The following RSL1D1 variants were observed in gnomAD, a reference collection of about 807,000 sequenced individuals.
RSL1D1 encodes the protein ribosomal L1 domain containing 1.
Under a neutral mutation model 44.6 loss-of-function variants are expected in RSL1D1, and 34 were observed. The observed-to-expected ratio is 0.76, with a 90% CI of 0.58 to 1.02. RSL1D1 has a LOEUF of 1.02. RSL1D1 is among the 50% of genes least tolerant of loss of function. The pLI is 0.00. For missense variants in RSL1D1, 767 were observed against 568.1 expected (o/e 1.35, Z -3.56); for synonymous variants, 271 against 207.4 (o/e 1.31, Z -2.63).
rs148393242 is a variant in RSL1D1 at position 11,839,799 on chromosome 16, G to T, written c.1042C>A (p.Arg348Ser). The T allele has an allele frequency of 1.2e-6, 2 of 1,614,064 alleles. No homozygotes were observed. Among genetic ancestry groups the T allele is most frequent in the South Asian group, 1.1e-5 (1 of 91,074 alleles). Reference sequence around the variant, plus strand: ...TTAACTTGGGCTTTTCCTCTGCCACGTTTTTTCTTCCCATGCTCTGGGGTC... The same window carrying T: ...TTAACTTGGGCTTTTCCTCTGCCACTTTTTTTCTTCCCATGCTCTGGGGTC... Reference protein sequence around the residue: ...EQTPEHGKKKRGRGKAQVKAT... With the variant: ...EQTPEHGKKKSGRGKAQVKAT... The change falls in exon 8 of 9, where the codon CGT becomes AGT. Residue 348 changes from arginine (R) to serine (S), a missense_variant. Transcript: ENST00000571133.
At chr16:11,850,664 G>GTTCT (rs2053830914) in intron 1 of RSL1D1, among the ~76,000 whole-genome samples, 1 of 152,158 alleles carries the variant, frequency 6.6e-6, no homozygotes, top group African/African-American at 2.4e-5. Flanking sequence ...GTGTGCAGAA[G>GTTCT]GGCACCTCTT....
Position 11,848,129 on chromosome 16 carries a change from T to C in RSL1D1, c.246-323A>G, listed in dbSNP as rs539311426. On this transcript the variant is annotated intron_variant, in intron 2 of 8. Coordinates refer to ENST00000571133, the MANE Select transcript of RSL1D1 (RefSeq NM_015659.3). ...TTAGCCAGGCACGGTGGTAGGTGCC[T>C]GTAATCCCAGCTACTTGAGAGTCTG... Among the ~76,000 whole-genome samples, 98 of 152,254 alleles carry C rather than the reference T, an allele frequency of 6.4e-4. 2 individuals carry two copies. The highest frequency in any genetic ancestry group is 2.3e-3 in the African/African-American group (97 of 41,558).
Position 11,835,244 on chromosome 16 carries a change from T to G in RSL1D1, c.*2543A>C, listed in dbSNP as rs1302452534. 2 of 152,088 alleles carry G rather than the reference T, an allele frequency of 1.3e-5. No homozygotes were observed. Among genetic ancestry groups the G allele is most frequent in the Non-Finnish European group, 2.9e-5 (2 of 68,110 alleles). The allele number at this position is 152,088 out of a possible 1,614,324, so 9.4% of individuals were successfully genotyped here. Reference sequence around the variant, plus strand: ...CCGCCCAGGCTGGAGTGCAGTGGTGTGATCTCAGCTCACTGCAACCTCCAC... The same window carrying G: ...CCGCCCAGGCTGGAGTGCAGTGGTGGGATCTCAGCTCACTGCAACCTCCAC... On this transcript the variant is annotated 3_prime_UTR_variant, in exon 9 of 9. Transcript: ENST00000571133.
At position 11,837,618 on chromosome 16, in the gene RSL1D1, G is replaced by T; in HGVS notation, c.*169C>A. The T allele has an allele frequency of 1.7e-6, 1 of 597,036 alleles. No homozygotes were observed. Among genetic ancestry groups the T allele is most frequent in the Non-Finnish European group, 2.9e-6 (1 of 341,892 alleles). The allele number at this position is 597,036 out of a possible 1,614,324, so 37.0% of individuals were successfully genotyped here. On this transcript the variant is annotated 3_prime_UTR_variant, in exon 9 of 9. Transcript: ENST00000571133. ...GCCTGCCTCGGCCTCCCAAAGTGCTGGGATTACAGGCGTGAGCCACCGCCC... is the reference window on the plus strand; with the variant it reads ...GCCTGCCTCGGCCTCCCAAAGTGCTTGGATTACAGGCGTGAGCCACCGCCC...
chr16:11,837,676 T>A lies in RSL1D1; in HGVS notation c.*111A>T, dbSNP rs2053731579. On this transcript the variant is annotated 3_prime_UTR_variant, in exon 9 of 9. Transcript: ENST00000571133. Reference sequence around the variant, plus strand: ...ACTTATGGAGGTTTTAAAAAATCTTTTAAGTCCAGGCCTGACGTTTAGAGA... The same window carrying A: ...ACTTATGGAGGTTTTAAAAAATCTTATAAGTCCAGGCCTGACGTTTAGAGA... 1 of 1,046,452 alleles carries A rather than the reference T, an allele frequency of 9.6e-7. No individual in the cohort carries two copies. Among genetic ancestry groups the A allele is most frequent in the Non-Finnish European group, 1.4e-6 (1 of 709,350 alleles). The allele number at this position is 1,046,452 out of a possible 1,614,324, so 64.8% of individuals were successfully genotyped here.
intron 5 of RSL1D1, among the ~76,000 whole-genome samples, chr16:11,843,845 T>C (rs945790650): frequency 5.4e-5 from 6 of 111,340 alleles, no homozygotes; most frequent in African/African-American, 2.0e-4. Flanking sequence ...CACTCTAGCC[T>C]GGGCGACAGA....
At chr16:11,849,842 TTTATTTTTTA>T (rs1426972280) in intron 2 of RSL1D1, among the ~76,000 whole-genome samples, 1 of 151,926 alleles carries the variant, frequency 6.6e-6, no homozygotes, top group African/African-American at 2.4e-5. Context: ...CTACGGTTCT[TTTATTTTTTA>T]TTATTTTTTA....
rs2192645 is a variant in RSL1D1, at chr16:11,834,162, T to C, written c.*3625A>G. ...GCTAGGAATGTGTATGCAACACTTC[T>C]GAAGCCTTGGAAACATAGTACAGAA... On this transcript the variant is annotated 3_prime_UTR_variant, in exon 9 of 9. Coordinates refer to ENST00000571133, the MANE Select transcript of RSL1D1 (RefSeq NM_015659.3). 0.49 allele frequency: 74,666 copies of C among 152,018 alleles called. 19,586 individuals are homozygous for C. The highest frequency in any genetic ancestry group is 0.6 in the Non-Finnish European group (40,498 of 67,948). The allele number at this position is 152,018 out of a possible 1,614,324, so 9.4% of individuals were successfully genotyped here. A position where few individuals can be genotyped will look rare whatever the true frequency, so the allele number is the denominator to read the frequency against.
At chr16:11,843,353 G>A (rs77078289) in intron 5 of RSL1D1, among the ~76,000 whole-genome samples, 9,215 of 151,776 alleles carry the variant, frequency 0.061, 541 homozygotes, top group East Asian at 0.16. Flanking sequence ...TTACAAGCGT[G>A]AGCCACCATG....
intron 2 of RSL1D1, chr16:11,849,194 G>C (rs1051231290): frequency 6.6e-6 from 1 of 152,232 alleles, no homozygotes; most frequent in African/African-American, 2.4e-5. Context: ...GACCAGCCTG[G>C]AGAACACAGT....
rs970699876 is a variant in RSL1D1 at position 11,849,981 on chromosome 16, T to C, written c.245+298A>G. On this transcript the variant is annotated intron_variant, in intron 2 of 8. Coordinates refer to ENST00000571133, the MANE Select transcript of RSL1D1 (RefSeq NM_015659.3). ...TAGCTGAGATTACAGGCACCCGCCA[T>C]CATGCCTGGCTAATTTTTGTATTTT... 9.9e-5 allele frequency among the ~76,000 whole-genome samples: 15 copies of C among 152,200 alleles called. 1 individual carries two copies. Among genetic ancestry groups the C allele is most frequent in the Admixed American group, 7.2e-4 (11 of 15,284 alleles).
intron 2 of RSL1D1, 69 bp from the exon 3 acceptor site, chr16:11,847,875 G>A: frequency 4.1e-6 from 6 of 1,452,330 alleles, no homozygotes; most frequent in Non-Finnish European, 5.7e-6. Context: ...GTATCACACA[G>A]AATACGCGAT....
At chr16:11,838,985 C>T (rs940720735) in intron 8 of RSL1D1, among the ~76,000 whole-genome samples, 3 of 152,072 alleles carry the variant, frequency 2.0e-5, no homozygotes, top group Admixed American at 6.6e-5. Flanking sequence ...AGCAGAGACA[C>T]ATGGGAGCAA....
chr16:11,838,016 G>A lies in RSL1D1; in HGVS notation c.1244C>T (p.Thr415Ile), dbSNP rs2053734580. The A allele has an allele frequency of 1.9e-6, 3 of 1,613,866 alleles. No homozygotes were observed. Among genetic ancestry groups the A allele is most frequent in the Admixed American group, 1.7e-5 (1 of 59,958 alleles). ...GGTCTCAGACTCTGCAGCTTTTGGG[G>A]TCTCAGATGCTGGCAAAGCCTTTCT... ...KKRKALPASETPKAAESETPG... is the reference protein window; with the variant it reads ...KKRKALPASEIPKAAESETPG... The change falls in exon 9 of 9, where the codon ACC (threonine) becomes ATC (isoleucine). Residue 415 changes from threonine (T) to isoleucine (I), a missense_variant. By Grantham distance (89) the Thr-to-Ile change is moderately conservative (BLOSUM62 -1). Transcript: ENST00000571133.
At chr16:11,839,508 A>G (rs2053747780) in intron 8 of RSL1D1, among the ~76,000 whole-genome samples, 187 bp downstream of exon 8, 1 of 147,518 alleles carries the variant, frequency 6.8e-6, no homozygotes. Flanking sequence ...GGTCTGGGCA[A>G]TATAGCAAGA....
At chr16:11,843,194 C>CA (rs2053775031) in intron 5 of RSL1D1, among the ~76,000 whole-genome samples, 1 of 151,442 alleles carries the variant, frequency 6.6e-6, no homozygotes, top group South Asian at 2.1e-4. Context: ...CTCGGCCTCT[C>CA]AAAGTGCTGG....
chr16:11,834,261 T>C lies in RSL1D1; in HGVS notation c.*3526A>G, dbSNP rs1321738104. 6.6e-6 allele frequency: 1 copy of C among 152,234 alleles called. No homozygotes were observed. Among genetic ancestry groups the C allele is most frequent in the Non-Finnish European group, 1.5e-5 (1 of 68,050 alleles). The allele number at this position is 152,234 out of a possible 1,614,324, so 9.4% of individuals were successfully genotyped here. On this transcript the variant is annotated 3_prime_UTR_variant, in exon 9 of 9. Transcript: ENST00000571133. ...TGGTATAAAAGCGATACATAATCAG[T>C]ACAAACCATATACATACCACCATTT...
intron 2 of RSL1D1, chr16:11,849,201 C>G (rs2053818946): frequency 6.6e-6 from 1 of 152,110 alleles, no homozygotes; most frequent in African/African-American, 2.4e-5. Flanking sequence ...CTGGAGAACA[C>G]AGTGAAACCT....
Position 11,836,577 on chromosome 16 carries a change from A to T in RSL1D1, c.*1210T>A, listed in dbSNP as rs942210290. The T allele has an allele frequency of 6.6e-6, 1 of 152,214 alleles. No homozygotes were observed. The highest frequency in any genetic ancestry group is 2.4e-5 in the African/African-American group (1 of 41,456). 9.4% of individuals were successfully genotyped at this position (152,214 alleles called of 1,614,324 possible). On this transcript the variant is annotated 3_prime_UTR_variant, in exon 9 of 9. Transcript: ENST00000571133. ...AAGATTCCTTGGAGTTGTCATACAT[A>T]AGCAAATCCATATGGACTGAGGAAT...
Sources: gnomAD v4.1 joint callset for allele counts (sites outside exome capture counted in the v4.1 genomes callset) on GRCh38, gnomAD v4.1.1 for gene constraint, MANE v1.5 for transcripts, NCBI Gene and HGNC (gene_info 2026-07-23, HGNC 2026-07-21) for gene names.